SP110: variants seen among roughly 807,000 people sequenced by gnomAD.
SP110 encodes interferon-induced protein 41, 30kD.
In SP110, 62 loss-of-function variants were observed where a neutral mutation model predicts 92.7. The observed-to-expected ratio is 0.67, with a 90% CI of 0.55 to 0.83. The LOEUF is 0.83. SP110 is among the 40% of genes least tolerant of loss of function. SP110 has a pLI of 0.00. For synonymous variants in SP110, 273 were observed against 305.3 expected (o/e 0.89, Z 1.10); for missense variants, 793 against 863.9 (o/e 0.92, Z 1.03).
upstream of SP110, among the ~76,000 whole-genome samples, chr2:230,224,943 A>G (rs913086519): frequency 6.6e-6 from 1 of 152,180 alleles, no homozygotes; most frequent in African/African-American, 2.4e-5. Context: ...ATGCTGATAT[A>G]GTGTGTTTTT....
At chr2:230,199,879 C>T (rs546642559) in intron 10 of SP110, among the ~76,000 whole-genome samples, 9 of 152,280 alleles carry the variant, frequency 5.9e-5, no homozygotes, top group South Asian at 4.1e-4. Context: ...CTATGGAGAA[C>T]GATGGCTCCT....
chr2:230,177,592 C>G lies in SP110; in HGVS notation c.1536G>C (p.Lys512Asn). 1 of 1,614,122 alleles carries G rather than the reference C, an allele frequency of 6.2e-7. No homozygotes were observed. The highest frequency in any genetic ancestry group is 2.2e-5 in the East Asian group (1 of 44,890). Residue 512 changes from lysine to asparagine, a missense_variant, in exon 14 of 19, where the codon AAG becomes AAC. Physicochemically the swap from Lys to Asn is moderately conservative, Grantham distance 94. Transcript: ENST00000258381. ...CACAACGTATATTCCGTTTCCAGTT[C>G]TTTGCGTTCCTTCCTTTTCCTTCGA... ...FEVEGKGRNA[K>N]NWKRNIRCEG...
intron 7 of SP110, among the ~76,000 whole-genome samples, chr2:230,208,622 AG>A (rs2044138150): frequency 6.6e-6 from 1 of 152,122 alleles, no homozygotes; most frequent in Admixed American, 6.5e-5. Flanking sequence ...GCAGGAGGTG[AG>A]GGGGTCAGAG....
intron 3 of SP110, 107 bp from the exon 4 acceptor site, chr2:230,213,134 T>C (rs2044678087): frequency 1.9e-6 from 2 of 1,078,514 alleles, no homozygotes; most frequent in East Asian, 4.8e-5. Flanking sequence ...CATGGAGCTA[T>C]TCATTGTCCC....
chr2:230,177,064 A>G (rs10933327), intron 14 of SP110, among the ~76,000 whole-genome samples: 59,452 of 151,950 alleles, frequency 0.39, 12,769 homozygotes, highest in Non-Finnish European at 0.5. Flanking sequence ...TTGCTGAGAG[A>G]GGCCTTGTGT....
intron 5 of SP110, 109 bp downstream of exon 5, chr2:230,212,238 G>A (rs1026971974): frequency 2.5e-6 from 2 of 802,028 alleles, no homozygotes; most frequent in Non-Finnish European, 4.3e-6. Flanking sequence ...CCTTTGTATT[G>A]CTCAGTTCTT....
chr2:230,213,416 C>T (rs1400643858), intron 3 of SP110, among the ~76,000 whole-genome samples: 10 of 152,080 alleles, frequency 6.6e-5, no homozygotes, highest in South Asian at 2.1e-4. Context: ...CATACTTCCC[C>T]GAAGCAAATA....
chr2:230,199,965 A>G (rs1413793784), intron 10 of SP110, among the ~76,000 whole-genome samples: 1 of 152,166 alleles, frequency 6.6e-6, no homozygotes, highest in Non-Finnish European at 1.5e-5. Context: ...AAAAAAATCC[A>G]TTAATCCTTT....
At chr2:230,170,586 A>C (rs201884927) in intron 18 of SP110, 35 bp downstream of exon 18, 4 of 1,613,802 alleles carry the variant, frequency 2.5e-6, no homozygotes, top group Non-Finnish European at 3.4e-6. Context: ...GGAAAGTAGA[A>C]AAGACGCAAA....
intron 11 of SP110, among the ~76,000 whole-genome samples, chr2:230,185,533 A>C (rs1342798859): frequency 1.3e-5 from 2 of 152,108 alleles, no homozygotes; most frequent in Admixed American, 1.3e-4. Flanking sequence ...GAGTATAAAC[A>C]GACAATTTAG....
At position 230,209,980 on chromosome 2, in the gene SP110, A is replaced by G. The variant is rs368772645; in HGVS notation, c.780T>C (p.Asn260=). Residue 260 remains asparagine, a synonymous_variant, in exon 7 of 19, where the codon AAT becomes AAC. Transcript: ENST00000258381. The part of the protein sequence containing the change: ...PEIRDNSPEP[N]DPEEPQEVSS... ...ACACCTCCTGGGGCTCTTCTGGGTCATTTGGTTCTGGAGAATTATCTCTTA... is the reference window on the plus strand; with the variant it reads ...ACACCTCCTGGGGCTCTTCTGGGTCGTTTGGTTCTGGAGAATTATCTCTTA... 9 of 1,608,816 alleles carry G rather than the reference A, an allele frequency of 5.6e-6. No individual in the cohort carries two copies. Among genetic ancestry groups the G allele is most frequent in the African/African-American group, 2.7e-5 (2 of 74,802 alleles).
chr2:230,204,455 A>G (rs2043534259), intron 8 of SP110, among the ~76,000 whole-genome samples: 1 of 151,526 alleles, frequency 6.6e-6, no homozygotes, highest in African/African-American at 2.4e-5. Context: ...TGTATTGGAA[A>G]TTTCCCTCCA....
At chr2:230,209,185 G>A (rs535949893) in intron 7 of SP110, among the ~76,000 whole-genome samples, 2 of 152,320 alleles carry the variant, frequency 1.3e-5, no homozygotes, top group African/African-American at 4.8e-5. Context: ...TTAACTGTTG[G>A]GAAATCGAGC....
At position 230,183,556 on chromosome 2, in the gene SP110, T is replaced by G; in HGVS notation, c.1348+16A>C. The G allele has an allele frequency of 6.3e-7, 1 of 1,591,566 alleles. No homozygotes were observed. Among genetic ancestry groups the G allele is most frequent in the South Asian group, 1.1e-5 (1 of 90,646 alleles). On this transcript the variant is annotated intron_variant, in intron 12 of 18. Coordinates refer to ENST00000258381, the MANE Select transcript of SP110 (RefSeq NM_080424.4). ...TGGGGAGCCCAGTGGGGAGGCGCTG[T>G]GGCTTGCTTGCTTACCTCTTCGGTG...
chr2:230,203,180 A>T (rs1174106488), intron 8 of SP110: 1 of 192,102 alleles, frequency 5.2e-6, no homozygotes, highest in Admixed American at 5.3e-5. Flanking sequence ...TATTAAAAAA[A>T]CTGAGAGGGA....
rs1203008999 is a variant in SP110 at position 230,184,699 on chromosome 2, TA to T, written c.1280-1060del. 5.1e-5 allele frequency among the ~76,000 whole-genome samples: 3 copies of T among 58,628 alleles called. No individual in the cohort carries two copies. The East Asian group carries it at 1.6e-3, about 32-fold the overall frequency. 38.5% of individuals were successfully genotyped at this position (58,628 alleles called of 152,430 possible). ...AAAGGGTTAATTTCCCTAACGGATT[TA>T]ACAAAAAAAAATGGCCAGTCTTATA... is the stretch of plus-strand genomic sequence containing the variant. On this transcript the variant is annotated intron_variant, in intron 11 of 18. Coordinates refer to ENST00000258381, the MANE Select transcript of SP110 (RefSeq NM_080424.4).
intron 10 of SP110, among the ~76,000 whole-genome samples, chr2:230,199,142 A>T (rs1406834885): frequency 3.1e-4 from 37 of 119,766 alleles, no homozygotes; most frequent in African/African-American, 1.4e-3. Context: ...TATTATTATT[A>T]TTATTATTTT....
intron 12 of SP110, among the ~76,000 whole-genome samples, chr2:230,181,958 A>G (rs2148728351): frequency 6.6e-6 from 1 of 152,376 alleles, no homozygotes; most frequent in East Asian, 1.9e-4. Flanking sequence ...ATTACTGGGT[A>G]TACACCCAAA....
chr2:230,225,064 C>T (rs779647201), intron 1 of SP110, among the ~76,000 whole-genome samples: 1 of 152,164 alleles, frequency 6.6e-6, no homozygotes, highest in Non-Finnish European at 1.5e-5. Flanking sequence ...CCTTGAAGGT[C>T]TAGATAATCT....
Sources: gnomAD v4.1 joint callset for allele counts (sites outside exome capture counted in the v4.1 genomes callset) on GRCh38, gnomAD v4.1.1 for gene constraint, MANE v1.5 for transcripts, NCBI Gene and HGNC (gene_info 2026-07-23, HGNC 2026-07-21) for gene names.